Variants in A1BG observed in about 807,000 individuals in gnomAD.
A1BG encodes alpha-1-B glycoprotein.
A neutral mutation model predicts 46.0 loss-of-function variants in A1BG; 44 were observed. The observed-to-expected ratio is 0.96, with a 90% CI of 0.75 to 1.23. The LOEUF (loss-of-function observed/expected upper bound fraction) is 1.23. A1BG is among the 50% of genes most tolerant of loss of function. A1BG has a pLI of 0.00. For synonymous variants in A1BG, 316 were observed against 314.7 expected (o/e 1.00, Z -0.04); for missense variants, 707 against 688.8 (o/e 1.03, Z -0.30).
chr19:58,350,822 A>C, intron 5 of A1BG, 171 bp from the exon 6 acceptor site: 1 of 567,250 alleles, frequency 1.8e-6, no homozygotes, highest in South Asian at 4.3e-5. Context: ...CAGTCCTTGG[A>C]TATCTCACAC....
chr19:58,348,989 T>C (rs889004682), intron 6 of A1BG: 1 of 152,242 alleles, frequency 6.6e-6, no homozygotes, highest in African/African-American at 2.4e-5. Flanking sequence ...TTTGGAGTCA[T>C]AGGATATAGA....
chr19:58,345,284 A>G lies in A1BG; in HGVS notation c.*1738T>C, dbSNP rs2051907951. On this transcript the variant is annotated 3_prime_UTR_variant, in exon 8 of 8. Coordinates refer to ENST00000263100, the MANE Select transcript of A1BG (RefSeq NM_130786.4). ...AGCACTTGGGGAAAAAATGCTTAAC[A>G]TCATCAGACATTAAGGAAACGCAAG... The G allele has an allele frequency of 6.6e-6, 1 of 152,274 alleles. No homozygotes were observed. 9.4% of individuals were successfully genotyped at this position (152,274 alleles called of 1,614,324 possible).
In A1BG at chr19:58,353,205, G is replaced by T. The variant is rs2051981205; in HGVS notation, c.71-8C>A. 4.3e-6 allele frequency: 7 copies of T among 1,613,564 alleles called. No homozygotes were observed. Among genetic ancestry groups the T allele is most frequent in the Non-Finnish European group, 5.9e-6 (7 of 1,179,612 alleles). On this transcript the variant is annotated splice_polypyrimidine_tract_variant and splice_region_variant and intron_variant, in intron 2 of 7. Transcript: ENST00000263100. ...TGGGCTGCGTCTCATAAACTGCAAG[G>T]GGTGGCTGGGATCAGCTCAGTGCCA...
chr19:58,352,714 G>A, intron 3 of A1BG, 159 bp from the exon 4 acceptor site: 1 of 1,187,460 alleles, frequency 8.4e-7, no homozygotes, highest in Non-Finnish European at 1.2e-6. Flanking sequence ...AAGGCATACG[G>A]CAAGAGAAAA....
rs2051968538 is a variant in A1BG, at chr19:58,352,365, A to C, written c.531T>G (p.Pro177=). ...TCCGGTAGCTGCAGCTGTAGTTGCC[A>C]GGCTGATGGACTGGAAAGGTGGCCT... is the stretch of plus-strand genomic sequence containing the variant. ...DVEATFPVHQ[P]GNYSCSYRTD... is the part of the protein sequence containing the mutation. Residue 177 remains proline (P), a synonymous_variant, in exon 4 of 8, where the codon CCT becomes CCG. Coordinates refer to ENST00000263100, the MANE Select transcript of A1BG (RefSeq NM_130786.4). 1 of 1,614,008 alleles carries C rather than the reference A, an allele frequency of 6.2e-7. No individual in the cohort carries two copies. Among genetic ancestry groups the C allele is most frequent in the African/African-American group, 1.3e-5 (1 of 75,022 alleles).
Position 58,347,012 on chromosome 19 carries a change from C to G in A1BG, c.*10G>C. Reference sequence around the variant, plus strand: ...GAGGACACCAACAGCACCCTGGGCCCGCGGCTGCATCAGCTTTCTAGACAA... The same window carrying G: ...GAGGACACCAACAGCACCCTGGGCCGGCGGCTGCATCAGCTTTCTAGACAA... On this transcript the variant is annotated 3_prime_UTR_variant, in exon 8 of 8. Transcript: ENST00000263100. 5 of 1,614,112 alleles carry G rather than the reference C, an allele frequency of 3.1e-6. No homozygotes were observed. The highest frequency in any genetic ancestry group is 4.2e-6 in the Non-Finnish European group (5 of 1,180,008).
Position 58,350,433 on chromosome 19 carries a change from C to T in A1BG, c.1129G>A (p.Val377Met), listed in dbSNP as rs1434051550. 1.3e-6 allele frequency: 2 copies of T among 1,551,764 alleles called. No individual in the cohort carries two copies. Among genetic ancestry groups the T allele is most frequent in the Non-Finnish European group, 8.7e-7 (1 of 1,147,676 alleles). Residue 377 changes from valine (V) to methionine (M), a missense_variant, in exon 6 of 8, where the codon GTG becomes ATG. Val to Met is a conservative substitution (Grantham distance 21). Coordinates refer to ENST00000263100, the MANE Select transcript of A1BG (RefSeq NM_130786.4). ...CCCCCGAAAGGCGGCTTCAGGTCCA[C>T]GTAGACGCAGCTGTAGTTGGCGGAG... ...ADSANYSCVY[V>M]DLKPPFGGSA...
chr19:58,351,436 C>T lies in A1BG; in HGVS notation c.865G>A (p.Gly289Ser), dbSNP rs756140080. The T allele has an allele frequency of 9.3e-6, 15 of 1,613,598 alleles. No homozygotes were observed. In the South Asian group the frequency reaches 1.4e-4, roughly 15 times the overall value. The change falls in exon 5 of 8, where the codon GGC (glycine) becomes AGC (serine). Residue 289 changes from glycine to serine, a missense_variant. Coordinates refer to ENST00000263100, the MANE Select transcript of A1BG (RefSeq NM_130786.4). ...ACCGGCGCGCTGTCCCCGGACCAGC[C>T]GTTTTGGTTGTCATGCAGCCGGTAG... ...CRYRLHDNQNGWSGDSAPVEL... is the reference protein window; with the variant it reads ...CRYRLHDNQNSWSGDSAPVEL...
chr19:58,349,390 C>A (rs118096828), intron 6 of A1BG, among the ~76,000 whole-genome samples: 2 of 151,960 alleles, frequency 1.3e-5, no homozygotes, highest in East Asian at 3.9e-4. Context: ...TGGTGACTCA[C>A]AAGTGTAATC....
At position 58,350,604 on chromosome 19, in the gene A1BG, C is replaced by T; in HGVS notation, c.958G>A (p.Ala320Thr). The T allele has an allele frequency of 6.8e-7, 1 of 1,464,320 alleles. No homozygotes were observed. Among genetic ancestry groups the T allele is most frequent in the East Asian group, 2.7e-5 (1 of 36,972 alleles). The allele number at this position is 1,464,320 out of a possible 1,614,324, so 90.7% of individuals were successfully genotyped here. ...GGCGCCAGGCACCGCAGCCGCAAGG[C>T]CCTGCCGGACTCCGGCTCCGGGGAG... The part of the protein sequence containing the change: ...EFSPEPESGR[A>T]LRLRCLAPLE... Residue 320 changes from alanine to threonine, a missense_variant, in exon 6 of 8, where the codon GCC (alanine) becomes ACC (threonine). Physicochemically the swap from Ala to Thr is moderately conservative, Grantham distance 58. Coordinates refer to ENST00000263100, the MANE Select transcript of A1BG (RefSeq NM_130786.4).
At position 58,352,480 on chromosome 19, in the gene A1BG, C is replaced by T; in HGVS notation, c.416G>A (p.Cys139Tyr). The T allele has an allele frequency of 6.2e-7, 1 of 1,613,562 alleles. No homozygotes were observed. Among genetic ancestry groups the T allele is most frequent in the Non-Finnish European group, 8.5e-7 (1 of 1,180,002 alleles). Reference sequence around the variant, plus strand: ...AGTCACACCCCGCAGCACACCTCGGCACACTGCTGTTGTTTTCAGGCCGGG... The same window carrying T: ...AGTCACACCCCGCAGCACACCTCGGTACACTGCTGTTGTTTTCAGGCCGGG... ...ITPGLKTTAVCRGVLRGVTFL... is the reference protein window; with the variant it reads ...ITPGLKTTAVYRGVLRGVTFL... The change falls in exon 4 of 8, where the codon TGC becomes TAC. Residue 139 changes from cysteine (C) to tyrosine (Y), a missense_variant. Coordinates refer to ENST00000263100, the MANE Select transcript of A1BG (RefSeq NM_130786.4).
intron 4 of A1BG, 105 bp from the exon 5 acceptor site, chr19:58,351,792 A>ATTATTTT: frequency 1.0e-6 from 1 of 968,380 alleles, no homozygotes; most frequent in Non-Finnish European, 1.4e-6. Context: ...ACACCCTTCC[A>ATTATTTT]TTCTTTTTTT....
chr19:58,347,247 CA>C (rs2051919490), intron 7 of A1BG, 105 bp downstream of exon 7: 1 of 1,362,046 alleles, frequency 7.3e-7, no homozygotes, highest in Non-Finnish European at 9.5e-7. Flanking sequence ...CAGCGCTAAC[CA>C]GGGGTGCCCA....
In A1BG at chr19:58,350,478, G is replaced by T; in HGVS notation, c.1084C>A (p.His362Asn). 6.4e-7 allele frequency: 1 copy of T among 1,556,734 alleles called. No homozygotes were observed. Among genetic ancestry groups the T allele is most frequent in the Non-Finnish European group, 8.7e-7 (1 of 1,150,818 alleles). The change falls in exon 6 of 8, where the codon CAC becomes AAC. Residue 362 changes from histidine (H) to asparagine (N), a missense_variant. His to Asn is a moderately conservative substitution (Grantham distance 68). Transcript: ENST00000263100. ...PAGTEALFEL[H>N]NISVADSANY... ...GCGGAGTCAGCCACGGAAATGTTGT[G>T]CAGCTCGAAGAGCGCCTCGGTCCCA... is the stretch of plus-strand genomic sequence containing the variant.
rs2051915157 is a variant in A1BG at position 58,346,593 on chromosome 19, G to A, written c.*429C>T. 1.1e-5 allele frequency: 3 copies of A among 262,000 alleles called. No individual in the cohort carries two copies. Among genetic ancestry groups the A allele is most frequent in the Non-Finnish European group, 2.2e-5 (3 of 133,672 alleles). The allele number at this position is 262,000 out of a possible 1,614,324, so 16.2% of individuals were successfully genotyped here. On this transcript the variant is annotated 3_prime_UTR_variant, in exon 8 of 8. Coordinates refer to ENST00000263100, the MANE Select transcript of A1BG (RefSeq NM_130786.4). ...TAATTAGCCAGACGTGGCGATGCAT[G>A]CCCAGGCTCCCAGCTACTTGGGAGG...
Position 58,347,333 on chromosome 19 carries a change from G to A in A1BG, c.1480+20C>T, listed in dbSNP as rs1335989611. On this transcript the variant is annotated intron_variant, in intron 7 of 7. Coordinates refer to ENST00000263100, the MANE Select transcript of A1BG (RefSeq NM_130786.4). ...ACATCAGCAGACGGAACCAGCACCC[G>A]GGACCCAGGGAAACGTCACCTGCCA... 33 of 1,609,214 alleles carry A rather than the reference G, an allele frequency of 2.1e-5. No homozygotes were observed. Among genetic ancestry groups the A allele is most frequent in the Non-Finnish European group, 2.8e-5 (33 of 1,179,716 alleles).
intron 6 of A1BG, 195 bp downstream of exon 6, chr19:58,350,175 T>A: frequency 1.4e-6 from 1 of 703,450 alleles, no homozygotes; most frequent in East Asian, 3.0e-5. Flanking sequence ...CTTGCGTCCG[T>A]GGGAAATAAG....
chr19:58,350,434 G>A lies in A1BG; in HGVS notation c.1128C>T (p.Tyr376=), dbSNP rs746018515. 1.3e-6 allele frequency: 2 copies of A among 1,551,886 alleles called. No homozygotes were observed. Among genetic ancestry groups the A allele is most frequent in the Admixed American group, 3.9e-5 (2 of 51,296 alleles). Residue 376 remains tyrosine (Y), a synonymous_variant, in exon 6 of 8, where the codon TAC becomes TAT. Transcript: ENST00000263100. Reference sequence around the variant, plus strand: ...CCCCGAAAGGCGGCTTCAGGTCCACGTAGACGCAGCTGTAGTTGGCGGAGT... The same window carrying A: ...CCCCGAAAGGCGGCTTCAGGTCCACATAGACGCAGCTGTAGTTGGCGGAGT... ...VADSANYSCV[Y]VDLKPPFGGS... is the part of the protein sequence containing the mutation.
At chr19:58,347,663 C>T (rs2051924500) in intron 6 of A1BG, 23 bp from the exon 7 acceptor site, 3 of 1,358,478 alleles carry the variant, frequency 2.2e-6, no homozygotes, top group Admixed American at 3.6e-5. Flanking sequence ...GGCGGGTGGT[C>T]GGGCCAGGCC....
Sources: gnomAD v4.1 joint callset for allele counts (sites outside exome capture counted in the v4.1 genomes callset) on GRCh38, gnomAD v4.1.1 for gene constraint, MANE v1.5 for transcripts, NCBI Gene and HGNC (gene_info 2026-07-23, HGNC 2026-07-21) for gene names.